CNTN6: variants seen among roughly 807,000 people sequenced by gnomAD.
CNTN6 encodes the protein contactin 6, also known as contactin-6.
Under a neutral mutation model 122.8 loss-of-function variants are expected in CNTN6, and 137 were observed. That is an observed-to-expected ratio of 1.12 (90% CI 0.97 to 1.29). The LOEUF (loss-of-function observed/expected upper bound fraction) is 1.29. Ranked by LOEUF, CNTN6 falls within the 50% of genes most tolerant of loss-of-function variation. The probability of loss-of-function intolerance (pLI) is 0.00; values close to 1 mark genes in which losing one functional copy is unlikely to be tolerated. For synonymous variants in CNTN6, 570 were observed against 426.0 expected, an observed-to-expected ratio of 1.34 and a Z score of -4.16; for missense variants, 1,634 against 1,223.4, an observed-to-expected ratio of 1.34 and a Z score of -5.01.
intron 12 of CNTN6, among the ~76,000 whole-genome samples, chr3:1,365,352 AATT>A (rs1023775185): frequency 7.2e-5 from 11 of 152,188 alleles, no homozygotes; most frequent in East Asian, 1.9e-4. Context: ...TATGGTAACA[AATT>A]ATTATTTCTA....
intron 8 of CNTN6, among the ~76,000 whole-genome samples, chr3:1,324,040 G>A (rs755564241): frequency 6.7e-6 from 1 of 149,532 alleles, no homozygotes; most frequent in Non-Finnish European, 1.5e-5. Context: ...AAATACTTAT[G>A]AATTATATAA....
At chr3:1,228,717 G>A (rs2094317604) in intron 4 of CNTN6, among the ~76,000 whole-genome samples, 1 of 152,144 alleles carries the variant, frequency 6.6e-6, no homozygotes, top group African/African-American at 2.4e-5. Flanking sequence ...ATGTCCCAGA[G>A]GATCTAGCCA....
chr3:1,106,165 G>T (rs1170420115), intron 1 of CNTN6, among the ~76,000 whole-genome samples: 1 of 152,052 alleles, frequency 6.6e-6, no homozygotes, highest in African/African-American at 2.4e-5. Flanking sequence ...GAGGGTAAAA[G>T]GAAATTGTAA....
At chr3:1,374,342 A>G (rs994704977) in intron 16 of CNTN6, among the ~76,000 whole-genome samples, 1 of 152,034 alleles carries the variant, frequency 6.6e-6, no homozygotes, top group South Asian at 2.1e-4. Flanking sequence ...TCTATTTTCT[A>G]GTCAAAATTC....
chr3:1,330,059 G>C, intron 11 of CNTN6, 124 bp downstream of exon 11: 2 of 597,820 alleles, frequency 3.3e-6, no homozygotes, highest in Non-Finnish European at 2.7e-6. Context: ...CATACCTAGA[G>C]ACGCCAGCAT....
At chr3:1,243,853 C>T (rs941329108) in intron 4 of CNTN6, among the ~76,000 whole-genome samples, 3 of 151,852 alleles carry the variant, frequency 2.0e-5, no homozygotes, top group African/African-American at 7.3e-5. Context: ...CGGGAAAGGT[C>T]AGATGGGTCT....
In CNTN6 at chr3:1,401,447, C is replaced by T. The variant is rs766935927; in HGVS notation, c.2719C>T (p.Pro907Ser). ...TTKKSPPSQP[P>S]ANIAWKLTNS... ...TCTCTTTAAAGCTCCAAGCCAACCA[C>T]CAGCAAACATTGCCTGGAAGCTGAC... Residue 907 changes from proline (P) to serine (S), a missense_variant, in exon 21 of 23, where the codon CCA (proline) becomes TCA (serine). Physicochemically the swap from Pro to Ser is moderately conservative, Grantham distance 74. Coordinates refer to ENST00000446702, the MANE Select transcript of CNTN6 (RefSeq NM_001289080.2). 2 of 1,611,748 alleles carry T rather than the reference C, an allele frequency of 1.2e-6. No homozygotes were observed. The highest frequency in any genetic ancestry group is 2.2e-5 in the South Asian group (2 of 90,958).
intron 1 of CNTN6, among the ~76,000 whole-genome samples, chr3:1,115,227 G>T (rs2091666049): frequency 6.6e-6 from 1 of 152,078 alleles, no homozygotes; most frequent in Admixed American, 6.6e-5. Flanking sequence ...AGTTAGCCTT[G>T]ATAACCTAAG....
intron 1 of CNTN6, among the ~76,000 whole-genome samples, chr3:1,096,323 T>C (rs2090525084): frequency 6.6e-6 from 1 of 152,078 alleles, no homozygotes; most frequent in Non-Finnish European, 1.5e-5. Context: ...TGTTCCATTT[T>C]CATTAACTTT....
chr3:1,277,478 G>C (rs557136212), intron 4 of CNTN6, among the ~76,000 whole-genome samples: 2 of 146,940 alleles, frequency 1.4e-5, no homozygotes, highest in South Asian at 2.2e-4. Flanking sequence ...TCATGCCTCA[G>C]CCTCCTGACA....
chr3:1,165,242 T>A (rs2093219703), intron 2 of CNTN6, among the ~76,000 whole-genome samples: 1 of 152,146 alleles, frequency 6.6e-6, no homozygotes, highest in Admixed American at 6.5e-5. Flanking sequence ...CGTTGGCTCT[T>A]CCCATTCCCA....
chr3:1,243,323 G>A (rs1328095089), intron 4 of CNTN6, among the ~76,000 whole-genome samples: 1 of 152,214 alleles, frequency 6.6e-6, no homozygotes. Context: ...CTGCGGTTCA[G>A]GTGTTTGGAA....
intron 11 of CNTN6, among the ~76,000 whole-genome samples, chr3:1,339,545 T>G (rs1703588815): frequency 6.6e-6 from 1 of 152,140 alleles, no homozygotes; most frequent in African/African-American, 2.4e-5. Flanking sequence ...TTCACTAACT[T>G]GGCTTACAGG....
At chr3:1,100,758 A>G (rs1319128629) in intron 1 of CNTN6, among the ~76,000 whole-genome samples, 1 of 152,106 alleles carries the variant, frequency 6.6e-6, no homozygotes, top group Non-Finnish European at 1.5e-5. Context: ...TCTATAATTT[A>G]TATTGCTCTT....
At chr3:1,152,776 T>A (rs1001958545) in intron 2 of CNTN6, among the ~76,000 whole-genome samples, 1 of 152,234 alleles carries the variant, frequency 6.6e-6, no homozygotes. Context: ...AATCGTGTGC[T>A]ATATCTGTTC....
At chr3:1,376,132 G>A (rs1195292092) in intron 16 of CNTN6, among the ~76,000 whole-genome samples, 1 of 152,092 alleles carries the variant, frequency 6.6e-6, no homozygotes, top group East Asian at 1.9e-4. Flanking sequence ...GATTATCACA[G>A]ATTTAGGATA....
At chr3:1,139,897 T>G (rs1051256825) in intron 1 of CNTN6, among the ~76,000 whole-genome samples, 4 of 152,212 alleles carry the variant, frequency 2.6e-5, no homozygotes, top group African/African-American at 9.6e-5. Flanking sequence ...GACTCAGCTA[T>G]TGTTTCAGGC....
chr3:1,290,025 G>A (rs535459167), intron 5 of CNTN6, among the ~76,000 whole-genome samples: 15 of 152,304 alleles, frequency 9.8e-5, no homozygotes, highest in African/African-American at 3.4e-4. Flanking sequence ...AGACCCCCCA[G>A]TGTCATTGTC....
chr3:1,319,354 AAAGT>A (rs1348132065), intron 7 of CNTN6, among the ~76,000 whole-genome samples: 1 of 151,698 alleles, frequency 6.6e-6, no homozygotes, highest in African/African-American at 2.4e-5. Context: ...TAGCTTTAGA[AAAGT>A]AAGTGAAATT....
Sources: allele counts gnomAD v4.1 joint callset (sites outside exome capture counted in the v4.1 genomes callset), GRCh38; gene constraint gnomAD v4.1.1; transcripts MANE v1.5; gene names NCBI Gene and HGNC (gene_info 2026-07-23, HGNC 2026-07-21).